The following DNAAF9 variants were observed in gnomAD, a reference collection of about 807,000 sequenced individuals.
DNAAF9 encodes shulin.
Under a neutral mutation model 167.0 loss-of-function variants are expected in DNAAF9, and 90 were observed. That is an observed-to-expected ratio of 0.54 (90% CI 0.45 to 0.64). The LOEUF (loss-of-function observed/expected upper bound fraction) is 0.64. Among genes scored for constraint, DNAAF9 ranks in the 30% least tolerant of loss-of-function variants. The probability of loss-of-function intolerance (pLI) is 0.00; values close to 1 mark genes in which losing one functional copy is unlikely to be tolerated. For missense variants in DNAAF9, 1,315 were observed against 1,442.2 expected (o/e 0.91, Z 1.43); for synonymous variants, 491 against 508.8 (o/e 0.96, Z 0.47).
rs2069479433 is a variant in DNAAF9 at position 3,315,075 on chromosome 20, C to T, written c.1636G>A (p.Ala546Thr). The change falls in exon 20 of 37, where the codon GCA (alanine) becomes ACA (threonine). Residue 546 changes from alanine (A) to threonine (T), a missense_variant. Around this residue, in one of 2 missense-constraint regions of DNAAF9, gnomAD observed 981 missense variants for 1,012.5 expected, o/e 0.97. Coordinates refer to ENST00000252032, the MANE Select transcript of DNAAF9 (RefSeq NM_001009984.3). The surrounding 1 kb of genome is among the most constrained non-coding windows in gnomAD (Gnocchi z 4.1). ...LGTYLTGGEG[A>T]YLYSSNLQSW... ...TGTAGATTGCTGGAATAAAGATATG[C>T]TCCTTCTCCTCCTGTTAGATAAGTG... 3 of 1,611,746 alleles carry T rather than the reference C, an allele frequency of 1.9e-6. No individual in the cohort carries two copies.
chr20:3,406,942 G>A (rs1234495565), intron 1 of DNAAF9, among the ~76,000 whole-genome samples: 1 of 152,070 alleles, frequency 6.6e-6, no homozygotes, highest in East Asian at 1.9e-4. Flanking sequence ...GGAAGCCGTT[G>A]TCAAGGGCAA....
chr20:3,391,766 G>C (rs889393420), intron 1 of DNAAF9, among the ~76,000 whole-genome samples: 1 of 151,878 alleles, frequency 6.6e-6, no homozygotes, highest in Non-Finnish European at 1.5e-5. Context: ...TTTTAGTAGA[G>C]ACAGGTTTCT....
intron 30 of DNAAF9, among the ~76,000 whole-genome samples, chr20:3,268,282 G>C (rs543703674): frequency 7.3e-5 from 11 of 151,122 alleles, no homozygotes; most frequent in Non-Finnish European, 1.3e-4. Flanking sequence ...TGATACGCCC[G>C]CCTCGCCCTC....
At position 3,290,196 on chromosome 20, in the gene DNAAF9, C is replaced by T. The variant is rs41308627; in HGVS notation, c.2260G>A (p.Gly754Ser). The T allele has an allele frequency of 2.8e-5, 45 of 1,610,990 alleles. No individual in the cohort carries two copies. Among genetic ancestry groups the T allele is most frequent in the Non-Finnish European group, 3.0e-5 (35 of 1,177,166 alleles). Residue 754 changes from glycine to serine, a missense_variant, in exon 26 of 37, where the codon GGC becomes AGC. This residue lies in a region of DNAAF9 where 981 missense variants were observed against 1,012.5 expected (regional missense o/e 0.97). Transcript: ENST00000252032. Reference protein sequence around the residue: ...SDKVIISIVTGLPGCHASELC... With the variant: ...SDKVIISIVTSLPGCHASELC... ...TCGCTAGCGTGACAGCCTGGGAGGC[C>T]GGTTACAATGCTGATAATTACCTAC...
rs1382656903 is a variant in DNAAF9 at position 3,249,797 on chromosome 20, C to T, written c.*2775G>A. 1 of 152,166 alleles carries T rather than the reference C, an allele frequency of 6.6e-6. No homozygotes were observed. 9.4% of individuals were successfully genotyped at this position (152,166 alleles called of 1,614,324 possible). A position where few individuals can be genotyped will look rare whatever the true frequency, so the allele number is the denominator to read the frequency against. On this transcript the variant is annotated 3_prime_UTR_variant, in exon 37 of 37. Transcript: ENST00000252032. ...GAGCTTCTTACTGTGCAAAAATTCT[C>T]CAAAATCCTAATAGAATTTAGGAGG... is the stretch of plus-strand genomic sequence containing the variant.
rs148132285 is a variant in DNAAF9, at chr20:3,295,457, G to A, written c.2019-828C>T. The A allele has an allele frequency of 1.5e-3, 454 of 300,632 alleles. 2 individuals carry two copies. Among genetic ancestry groups the A allele is most frequent in the African/African-American group, 9.4e-3 (426 of 45,496 alleles). 18.6% of individuals were successfully genotyped at this position (300,632 alleles called of 1,614,324 possible). Reference sequence around the variant, plus strand: ...GCCTCCCAAAGTGCTGGGATTACAGGCGTGAACCACTGCGCCTGACCTTTT... The same window carrying A: ...GCCTCCCAAAGTGCTGGGATTACAGACGTGAACCACTGCGCCTGACCTTTT... On this transcript the variant is annotated intron_variant, in intron 23 of 36. Coordinates refer to ENST00000252032, the MANE Select transcript of DNAAF9 (RefSeq NM_001009984.3).
chr20:3,315,202 G>A lies in DNAAF9; in HGVS notation c.1591-82C>T. 1 of 866,024 alleles carries A rather than the reference G, an allele frequency of 1.2e-6. No individual in the cohort carries two copies. Among genetic ancestry groups the A allele is most frequent in the South Asian group, 1.4e-5 (1 of 73,506 alleles). 53.6% of individuals were successfully genotyped at this position (866,024 alleles called of 1,614,324 possible). A position where few individuals can be genotyped will look rare whatever the true frequency, so the allele number is the denominator to read the frequency against. On this transcript the variant is annotated intron_variant, in intron 19 of 36. Coordinates refer to ENST00000252032, the MANE Select transcript of DNAAF9 (RefSeq NM_001009984.3). The surrounding 1 kb of genome is among the most constrained non-coding windows in gnomAD (Gnocchi z 4.1). The stretch of plus-strand genomic sequence containing the variant: ...AAATATTCACAGAATCAAAAGTCCT[G>A]CCCAATTATGTCCGTCTACAAAAGC...
chr20:3,346,071 C>T (rs546860911), intron 8 of DNAAF9, among the ~76,000 whole-genome samples: 2 of 152,288 alleles, frequency 1.3e-5, no homozygotes, highest in Admixed American at 1.3e-4. Flanking sequence ...AGGGAATGTT[C>T]AAACTTACTA....
intron 25 of DNAAF9, among the ~76,000 whole-genome samples, chr20:3,293,145 T>C (rs1600720566): frequency 1.3e-5 from 2 of 149,334 alleles, no homozygotes; most frequent in East Asian, 4.0e-4. Flanking sequence ...TACAAAAAAT[T>C]AGCCGGGCGT....
At chr20:3,377,302 G>C (rs1464355051) in intron 3 of DNAAF9, among the ~76,000 whole-genome samples, 1 of 152,196 alleles carries the variant, frequency 6.6e-6, no homozygotes, top group African/African-American at 2.4e-5. Flanking sequence ...ACAGAATGTA[G>C]ATTTCTCTGA....
chr20:3,301,178 C>CTTTTTTTTTT, intron 21 of DNAAF9, among the ~76,000 whole-genome samples: 1 of 125,154 alleles, frequency 8.0e-6, no homozygotes, highest in Non-Finnish European at 1.7e-5. Flanking sequence ...TCATGCTTGG[C>CTTTTTTTTTT]TTTTTTTTTT....
At position 3,255,252 on chromosome 20, in the gene DNAAF9, C is replaced by A. The variant is rs946999134; in HGVS notation, c.3294G>T (p.Gly1098=). ...KPQRKALKTR[G]MLTQQEIRSI... ...TCCTGATCTCCTGTTGCGTCAGCAT[C>A]CCCCTGGTCTTCAGGGCTTTCCTCT... Residue 1098 remains glycine, a synonymous_variant, in exon 35 of 37, where the codon GGG becomes GGT. Coordinates refer to ENST00000252032, the MANE Select transcript of DNAAF9 (RefSeq NM_001009984.3). The A allele has an allele frequency of 1.3e-6, 2 of 1,550,710 alleles. No homozygotes were observed. Among genetic ancestry groups the A allele is most frequent in the Non-Finnish European group, 1.7e-6 (2 of 1,146,224 alleles).
intron 30 of DNAAF9, among the ~76,000 whole-genome samples, chr20:3,265,216 C>T (rs1372372202): frequency 6.6e-6 from 1 of 152,124 alleles, no homozygotes; most frequent in African/African-American, 2.4e-5. Context: ...CATGAACATA[C>T]ATCCACTTTC....
intron 10 of DNAAF9, among the ~76,000 whole-genome samples, chr20:3,339,881 C>T (rs1022357793): frequency 6.6e-6 from 1 of 152,114 alleles, no homozygotes; most frequent in African/African-American, 2.4e-5. Flanking sequence ...CAGAGTGAGA[C>T]CCTGTCTCAA....
At chr20:3,338,543 C>T (rs1482064132) in intron 10 of DNAAF9, among the ~76,000 whole-genome samples, 1 of 151,986 alleles carries the variant, frequency 6.6e-6, no homozygotes, top group Non-Finnish European at 1.5e-5. Context: ...AAATTCTTGG[C>T]CATGACTACT....
rs1371174755 is a variant in DNAAF9, at chr20:3,253,746, T to A, written c.3401A>T (p.Asp1134Val). The A allele has an allele frequency of 1.2e-6, 2 of 1,611,034 alleles. No homozygotes were observed. The highest frequency in any genetic ancestry group is 8.5e-7 in the Non-Finnish European group (1 of 1,177,370). Residue 1134 changes from aspartate to valine, a missense_variant, in exon 36 of 37, where the codon GAC (aspartate) becomes GTC (valine). This residue lies in a region of DNAAF9 where 334 missense variants were observed against 429.7 expected (regional missense o/e 0.78). Transcript: ENST00000252032. ...NGTQFVNFFG[D>V]KTDFHPLMDQ... ...GATACGTGGGTGAAAATCAGTTTTGTCACCAAAGAAGTTAACAAATTGGGT... is the reference window on the plus strand; with the variant it reads ...GATACGTGGGTGAAAATCAGTTTTGACACCAAAGAAGTTAACAAATTGGGT...
intron 10 of DNAAF9, among the ~76,000 whole-genome samples, chr20:3,335,848 C>T (rs993026696): frequency 4.0e-5 from 6 of 151,008 alleles, no homozygotes; most frequent in East Asian, 1.9e-4. Context: ...TTGGGCTGAG[C>T]GTGGTGGCTC....
intron 7 of DNAAF9, among the ~76,000 whole-genome samples, chr20:3,351,519 T>C (rs2070324441): frequency 1.3e-5 from 2 of 151,104 alleles, no homozygotes; most frequent in South Asian, 4.1e-4. Flanking sequence ...ATGGCAACTA[T>C]AAGACAAATG....
chr20:3,362,644 C>G (rs2083378853), intron 6 of DNAAF9, among the ~76,000 whole-genome samples: 2 of 152,134 alleles, frequency 1.3e-5, no homozygotes, highest in South Asian at 4.1e-4. Flanking sequence ...CATTAGCTGC[C>G]TATAGCACCC....
Sources: gnomAD v4.1 joint callset for allele counts (sites outside exome capture counted in the v4.1 genomes callset) on GRCh38, gnomAD v4.1.1 for gene constraint, gnomAD v4.1.1 regional missense constraint, Gnocchi (gnomAD v3.1) non-coding constraint, MANE v1.5 for transcripts, NCBI Gene and HGNC (gene_info 2026-07-23, HGNC 2026-07-21) for gene names.